SCFD2: variants seen among roughly 807,000 people sequenced by gnomAD.
The protein encoded by SCFD2 is sec1 family domain-containing protein 2.
In SCFD2, 54 loss-of-function variants were observed where a neutral mutation model predicts 58.9. That is an observed-to-expected ratio of 0.92 (90% CI 0.74 to 1.15). The LOEUF is 1.15. Ranked by LOEUF, SCFD2 falls within the 50% of genes most tolerant of loss-of-function variation. The pLI, the probability that SCFD2 is intolerant of heterozygous loss-of-function variation, is 0.00. For synonymous variants in SCFD2, 321 were observed against 335.9 expected (o/e 0.96, Z 0.49); for missense variants, 805 against 836.6 (o/e 0.96, Z 0.47).
intron 5 of SCFD2, among the ~76,000 whole-genome samples, chr4:53,050,072 T>C (rs548765066): frequency 2.0e-5 from 3 of 152,332 alleles, no homozygotes; most frequent in East Asian, 1.9e-4. Context: ...AACACTCGAA[T>C]GTCACATGCA....
chr4:53,330,865 G>C (rs1400573003), intron 2 of SCFD2, among the ~76,000 whole-genome samples: 1 of 151,914 alleles, frequency 6.6e-6, no homozygotes, highest in African/African-American at 2.4e-5. Flanking sequence ...CACGTGCAGA[G>C]ACACACACAG....
At chr4:52,903,039 A>G (rs1341286267) in intron 7 of SCFD2, among the ~76,000 whole-genome samples, 1 of 152,138 alleles carries the variant, frequency 6.6e-6, no homozygotes, top group Non-Finnish European at 1.5e-5. Context: ...CCTTTGTGTC[A>G]CTCATCCTCC....
At position 52,898,254 on chromosome 4, in the gene SCFD2, A is replaced by G. The variant is rs532803802; in HGVS notation, c.1842+9203T>C. 3.3e-5 allele frequency among the ~76,000 whole-genome samples: 5 copies of G among 152,220 alleles called. No individual in the cohort carries two copies. In the East Asian group the frequency reaches 9.6e-4, roughly 29 times the overall value. On this transcript the variant is annotated intron_variant, in intron 7 of 8. Transcript: ENST00000401642. ...TTTTAATTGTGATGTTAGGGTGTCA[A>G]TTTTAGATCTTTCCTGCTATCTCTT...
At chr4:53,077,165 G>T (rs1724002078) in intron 5 of SCFD2, among the ~76,000 whole-genome samples, 1 of 152,048 alleles carries the variant, frequency 6.6e-6, no homozygotes, top group Non-Finnish European at 1.5e-5. Context: ...CTCACAGTGT[G>T]GCAAGAAAAA....
intron 5 of SCFD2, among the ~76,000 whole-genome samples, chr4:53,070,424 G>A (rs1723782470): frequency 6.6e-6 from 1 of 152,012 alleles, no homozygotes; most frequent in African/African-American, 2.4e-5. Context: ...AAAAGCGAAA[G>A]TTAATTTTTA....
intron 2 of SCFD2, among the ~76,000 whole-genome samples, chr4:53,324,623 TG>T: frequency 6.6e-6 from 1 of 151,932 alleles, no homozygotes; most frequent in Admixed American, 6.6e-5. Context: ...GTGGATTTTG[TG>T]GGAAGGAATG....
intron 5 of SCFD2, among the ~76,000 whole-genome samples, chr4:52,983,562 C>A (rs943568786): frequency 6.6e-6 from 1 of 152,164 alleles, no homozygotes; most frequent in Admixed American, 6.5e-5. Context: ...AAATAAACTG[C>A]TTGAACAGCC....
At chr4:52,960,308 C>T (rs940818005) in intron 5 of SCFD2, among the ~76,000 whole-genome samples, 16 of 151,852 alleles carry the variant, frequency 1.1e-4, no homozygotes, top group African/African-American at 2.7e-4. Context: ...ATTAGTCATG[C>T]GGCCACCAGG....
intron 2 of SCFD2, among the ~76,000 whole-genome samples, chr4:53,347,685 C>T (rs955407112): frequency 6.6e-5 from 10 of 152,066 alleles, no homozygotes; most frequent in African/African-American, 9.7e-5. Flanking sequence ...GGACCCAGCA[C>T]GTCCAATTGG....
Position 53,085,066 on chromosome 4 carries a change from G to C in SCFD2, c.1561+60267C>G, listed in dbSNP as rs529615706. 6.2e-4 allele frequency among the ~76,000 whole-genome samples: 94 copies of C among 152,236 alleles called. 1 individual carries two copies. The highest frequency in any genetic ancestry group is 1.1e-3 in the Non-Finnish European group (73 of 67,996). On this transcript the variant is annotated intron_variant, in intron 5 of 8. Transcript: ENST00000401642. The stretch of plus-strand genomic sequence containing the variant: ...ACCAGACTAGAGAAAGAAGTAAAGG[G>C]CATCCAAACTGGAAAGAAAGAAGTC...
At chr4:52,893,575 T>C (rs1718929563) in intron 7 of SCFD2, among the ~76,000 whole-genome samples, 3 of 152,172 alleles carry the variant, frequency 2.0e-5, no homozygotes, top group Admixed American at 2.0e-4. Flanking sequence ...GCCCACATGG[T>C]CATAGGAAAG....
At chr4:52,988,438 G>A (rs1721546573) in intron 5 of SCFD2, among the ~76,000 whole-genome samples, 1 of 152,128 alleles carries the variant, frequency 6.6e-6, no homozygotes, top group Admixed American at 6.5e-5. Context: ...CCAATGTCCT[G>A]GTTACACAGC....
chr4:53,045,349 A>G (rs1226154466), intron 5 of SCFD2, among the ~76,000 whole-genome samples: 2 of 152,144 alleles, frequency 1.3e-5, no homozygotes, highest in African/African-American at 4.8e-5. Context: ...TAAGTATGGT[A>G]TGGGCACTTA....
intron 5 of SCFD2, chr4:52,948,656 C>A: frequency 2.4e-6 from 1 of 415,886 alleles, no homozygotes; most frequent in Non-Finnish European, 4.9e-6. Flanking sequence ...CCAACTCCTA[C>A]TTATATATAT....
chr4:53,220,421 A>G lies in SCFD2; in HGVS notation c.1311+53405T>C, dbSNP rs978392457. Among the ~76,000 whole-genome samples, 15 of 152,232 alleles carry G rather than the reference A, an allele frequency of 9.9e-5. 1 individual carries two copies. Among genetic ancestry groups the G allele is most frequent in the Admixed American group, 9.2e-4 (14 of 15,282 alleles). ...GGGACTCTGTAATATTAACTGCTCT[A>G]TTCCTACCACATGGAACAATTGACT... On this transcript the variant is annotated intron_variant, in intron 4 of 8. Transcript: ENST00000401642.
chr4:53,214,131 T>C (rs182749176), intron 4 of SCFD2, among the ~76,000 whole-genome samples: 111 of 152,274 alleles, frequency 7.3e-4, no homozygotes, highest in African/African-American at 2.5e-3. Flanking sequence ...TGCATGTGTC[T>C]TTATAGCAGC....
At chr4:53,022,777 G>GT (rs967315235) in intron 5 of SCFD2, among the ~76,000 whole-genome samples, 12 of 152,128 alleles carry the variant, frequency 7.9e-5, no homozygotes, top group African/African-American at 2.9e-4. Context: ...CAAGAGTTAA[G>GT]TTTTTTTCTT....
intron 4 of SCFD2, among the ~76,000 whole-genome samples, chr4:53,256,720 T>A (rs1234579098): frequency 6.6e-6 from 1 of 151,352 alleles, no homozygotes; most frequent in Non-Finnish European, 1.5e-5. Flanking sequence ...ACCAAAAAAA[T>A]ACGAAAACCA....
At chr4:53,081,486 G>A (rs1724145256) in intron 5 of SCFD2, among the ~76,000 whole-genome samples, 1 of 152,068 alleles carries the variant, frequency 6.6e-6, no homozygotes, top group South Asian at 2.1e-4. Flanking sequence ...ACTTATAAGT[G>A]AGAACATGTG....
Sources: gnomAD v4.1 joint callset for allele counts (sites outside exome capture counted in the v4.1 genomes callset) on GRCh38, gnomAD v4.1.1 for gene constraint, MANE v1.5 for transcripts, NCBI Gene and HGNC (gene_info 2026-07-23, HGNC 2026-07-21) for gene names.